OR2H2: variants seen among roughly 807,000 people sequenced by gnomAD.
OR2H2 encodes the protein olfactory receptor 2H2.
For missense variants in OR2H2, 295 were observed against 313.7 expected, an observed-to-expected ratio of 0.94 and a Z score of 0.45; for synonymous variants, 146 against 132.4, an observed-to-expected ratio of 1.10 and a Z score of -0.71.
rs181621394 is a variant in OR2H2 at position 29,587,720 on chromosome 6, G to A, written c.-225G>A. ...TCCATCTGCTGTCCAGTACATTCAT[G>A]GATTCCTCACTCTCACTAGACAATG... On this transcript the variant is annotated 5_prime_UTR_variant, in exon 2 of 2. It removes an upstream start codon present in the reference 5' UTR. Transcript: ENST00000641840. The A allele has an allele frequency of 1.3e-3, 649 of 517,796 alleles. 1 individual carries two copies. The highest frequency in any genetic ancestry group is 1.7e-3 in the Non-Finnish European group (486 of 293,076). The allele number at this position is 517,796 out of a possible 1,614,324, so 32.1% of individuals were successfully genotyped here. A position where few individuals can be genotyped will look rare whatever the true frequency, so the allele number is the denominator to read the frequency against.
At chr6:29,586,756 A>T (rs2127357424) in intron 1 of OR2H2, among the ~76,000 whole-genome samples, 1 of 152,316 alleles carries the variant, frequency 6.6e-6, no homozygotes. Flanking sequence ...GATAGAGCTT[A>T]ATACAAGATG....
rs748590524 is a variant in OR2H2, at chr6:29,588,210, C to A, written c.266C>A (p.Thr89Asn). The change falls in exon 2 of 2, where the codon ACC becomes AAC. Residue 89 changes from threonine (T) to asparagine (N), a missense_variant. Transcript: ENST00000641840. The part of the protein sequence containing the change: ...MLVNLWGPKK[T>N]ISFLDCSVQI... ...GTCAACCTCTGGGGCCCAAAGAAGA[C>A]CATCAGCTTCCTGGACTGCTCTGTC... 3 of 1,517,270 alleles carry A rather than the reference C, an allele frequency of 2.0e-6. No individual in the cohort carries two copies. Among genetic ancestry groups the A allele is most frequent in the South Asian group, 2.2e-5 (2 of 88,980 alleles). 94.0% of individuals were successfully genotyped at this position (1,517,270 alleles called of 1,614,324 possible).
At chr6:29,587,318 G>A (rs1760330559) in intron 1 of OR2H2, 1 of 152,110 alleles carries the variant, frequency 6.6e-6, no homozygotes, top group Admixed American at 6.5e-5. Context: ...TTGCTAAAAA[G>A]GCCAGGGCAA....
Sources: allele counts gnomAD v4.1 joint callset (sites outside exome capture counted in the v4.1 genomes callset), GRCh38; gene constraint gnomAD v4.1.1; transcripts MANE v1.5; gene names NCBI Gene and HGNC (gene_info 2026-07-23, HGNC 2026-07-21).